Variants in PLGRKT observed in about 807,000 individuals in gnomAD.
PLGRKT encodes the protein plasminogen receptor with a C-terminal lysine.
PLGRKT carries 22 observed loss-of-function variants against 18.5 expected under a neutral mutation model. The ratio of observed to expected loss-of-function variants is 1.19; its 90% CI spans 0.85 to 1.70. The LOEUF (loss-of-function observed/expected upper bound fraction) is 1.70, where lower values mean the gene tolerates loss of function less well. Ranked by LOEUF, PLGRKT falls within the 40% of genes most tolerant of loss-of-function variation. PLGRKT has a pLI of 0.00. For synonymous variants in PLGRKT, 72 were observed against 52.8 expected (o/e 1.36, Z -1.58); for missense variants, 235 against 174.4 (o/e 1.35, Z -1.96).
chr9:5,428,379 T>A (rs936623142), intron 3 of PLGRKT, among the ~76,000 whole-genome samples: 1 of 152,178 alleles, frequency 6.6e-6, no homozygotes, highest in Non-Finnish European at 1.5e-5. Flanking sequence ...TCTGTTGGAC[T>A]GGACACGAGT....
Position 5,418,427 on chromosome 9 carries a change from T to A in PLGRKT, c.81+13470A>T. The A allele has an allele frequency of 1.1e-6, 1 of 895,294 alleles. No homozygotes were observed. The highest frequency in any genetic ancestry group is 1.9e-6 in the Non-Finnish European group (1 of 534,542). 55.5% of individuals were successfully genotyped at this position (895,294 alleles called of 1,614,324 possible). On this transcript the variant is annotated intron_variant, in intron 3 of 5. Transcript: ENST00000223864. The surrounding 1 kb of genome is among the most constrained non-coding windows in gnomAD (Gnocchi z 4.2). ...ATGCAGGACATGTTATGGAGCACGA[T>A]GCTGAGGAGGAAGACCAAGACGCAA...
chr9:5,366,251 T>A (rs1817384318), intron 3 of PLGRKT, among the ~76,000 whole-genome samples: 1 of 152,170 alleles, frequency 6.6e-6, no homozygotes, highest in African/African-American at 2.4e-5. Context: ...ACATTCATTT[T>A]CAACCTTCCT....
chr9:5,387,533 A>G (rs1817866974), intron 3 of PLGRKT, among the ~76,000 whole-genome samples: 2 of 151,978 alleles, frequency 1.3e-5, no homozygotes. Context: ...TTGAATTAAG[A>G]AAACAGACAT....
chr9:5,387,708 T>A (rs1817871430), intron 3 of PLGRKT, among the ~76,000 whole-genome samples: 2 of 151,776 alleles, frequency 1.3e-5, no homozygotes, highest in Admixed American at 6.6e-5. Flanking sequence ...ATCTGGGTGT[T>A]AAGTACACAG....
intron 3 of PLGRKT, among the ~76,000 whole-genome samples, chr9:5,422,858 C>T (rs920424071): frequency 2.6e-5 from 4 of 152,040 alleles, no homozygotes; most frequent in African/African-American, 9.7e-5. Context: ...AAGTTTTCCT[C>T]TCCTCTACAT....
At chr9:5,407,348 A>T (rs185750363) in intron 3 of PLGRKT, among the ~76,000 whole-genome samples, 1 of 152,302 alleles carries the variant, frequency 6.6e-6, no homozygotes. Flanking sequence ...TTTCATACAC[A>T]CAAAGAAAAC....
intron 3 of PLGRKT, among the ~76,000 whole-genome samples, chr9:5,378,083 G>A (rs1786789360): frequency 6.6e-6 from 1 of 152,140 alleles, no homozygotes; most frequent in Non-Finnish European, 1.5e-5. Flanking sequence ...CCCACAGACT[G>A]CACAGAAAAT....
At chr9:5,397,489 A>C (rs1014337958) in intron 3 of PLGRKT, among the ~76,000 whole-genome samples, 2 of 151,620 alleles carry the variant, frequency 1.3e-5, no homozygotes, top group African/African-American at 4.9e-5. Context: ...ATCACCTTAG[A>C]TAGGTGTTCA....
chr9:5,371,475 C>T (rs1817514185), intron 3 of PLGRKT, among the ~76,000 whole-genome samples: 1 of 152,182 alleles, frequency 6.6e-6, no homozygotes, highest in South Asian at 2.1e-4. Context: ...ATGGGTTTAT[C>T]AGGGGTTTCC....
chr9:5,384,024 T>C (rs7045852), intron 3 of PLGRKT, among the ~76,000 whole-genome samples: 50,926 of 152,174 alleles, frequency 0.33, 9,642 homozygotes, highest in African/African-American at 0.52. Flanking sequence ...GCCACTCCAC[T>C]GTCACAGCGC....
At chr9:5,396,494 C>A (rs947427481) in intron 3 of PLGRKT, among the ~76,000 whole-genome samples, 2 of 151,720 alleles carry the variant, frequency 1.3e-5, no homozygotes, top group African/African-American at 4.9e-5. Context: ...AGGGTTTCAC[C>A]ATGTTGGCCA....
At chr9:5,388,160 C>A (rs1817880665) in intron 3 of PLGRKT, among the ~76,000 whole-genome samples, 1 of 151,750 alleles carries the variant, frequency 6.6e-6, no homozygotes, top group African/African-American at 2.4e-5. Flanking sequence ...AAGACAATGG[C>A]AATCTGAGCC....
chr9:5,365,247 A>G (rs984996736), intron 3 of PLGRKT, among the ~76,000 whole-genome samples: 1 of 152,224 alleles, frequency 6.6e-6, no homozygotes, highest in Admixed American at 6.5e-5. Context: ...AAATAATAAT[A>G]ATGATGATGG....
At chr9:5,362,951 C>T (rs967667902) in intron 3 of PLGRKT, among the ~76,000 whole-genome samples, 2 of 152,060 alleles carry the variant, frequency 1.3e-5, no homozygotes, top group Admixed American at 6.6e-5. Flanking sequence ...GGTTTCAGGG[C>T]AGACCTTGCA....
chr9:5,361,950 A>G, intron 3 of PLGRKT, 62 bp from the exon 4 acceptor site: 10 of 1,484,804 alleles, frequency 6.7e-6, no homozygotes, highest in South Asian at 2.4e-5. Context: ...CAAATAGTTA[A>G]TAATCTGTTT....
intron 3 of PLGRKT, among the ~76,000 whole-genome samples, chr9:5,426,951 C>T (rs1047549805): frequency 6.6e-5 from 10 of 152,182 alleles, no homozygotes; most frequent in African/African-American, 1.2e-4. Context: ...TTCTGTGCTA[C>T]GAGTAATAAA....
At chr9:5,359,186 C>G (rs1037079420) in intron 5 of PLGRKT, among the ~76,000 whole-genome samples, 12 of 152,052 alleles carry the variant, frequency 7.9e-5, no homozygotes, top group Admixed American at 4.6e-4. Context: ...CCTCAGCCTC[C>G]TGAGTAGCTG....
At chr9:5,413,033 G>C (rs548800211) in intron 3 of PLGRKT, among the ~76,000 whole-genome samples, 1 of 152,190 alleles carries the variant, frequency 6.6e-6, no homozygotes, top group South Asian at 2.1e-4. Context: ...AAGCAAGACT[G>C]AGATACCACT....
chr9:5,402,197 G>T (rs1448850939), intron 3 of PLGRKT, among the ~76,000 whole-genome samples: 2 of 151,786 alleles, frequency 1.3e-5, no homozygotes, highest in Admixed American at 1.3e-4. Context: ...CTATTATTTT[G>T]TTTGATTAGT....
Sources: allele counts gnomAD v4.1 joint callset (sites outside exome capture counted in the v4.1 genomes callset), GRCh38; gene constraint gnomAD v4.1.1; non-coding constraint Gnocchi (gnomAD v3.1); transcripts MANE v1.5; gene names NCBI Gene and HGNC (gene_info 2026-07-23, HGNC 2026-07-21).